Variants in TRDN observed in about 807,000 individuals in gnomAD.
TRDN encodes triadin, also known as triadin in skeletal muscle.
Under a neutral mutation model 149.7 loss-of-function variants are expected in TRDN, and 161 were observed. That is an observed-to-expected ratio of 1.08 (90% confidence interval 0.95 to 1.23). The LOEUF (loss-of-function observed/expected upper bound fraction) is 1.23. Among genes scored for constraint, TRDN ranks in the 50% most tolerant of loss-of-function variants. The pLI is 0.00. For missense variants in TRDN, 896 were observed against 823.5 expected, an observed-to-expected ratio of 1.09 and a Z score of -1.08; for synonymous variants, 294 against 250.5, an observed-to-expected ratio of 1.17 and a Z score of -1.64.
intron 5 of TRDN, among the ~76,000 whole-genome samples, chr6:123,519,280 C>T (rs1180334416): frequency 6.6e-6 from 1 of 152,070 alleles, no homozygotes; most frequent in African/African-American, 2.4e-5. Context: ...TGCCCTTGCC[C>T]AGACTCTGAC....
chr6:123,241,262 T>G (rs1775977490), intron 38 of TRDN, among the ~76,000 whole-genome samples: 1 of 151,280 alleles, frequency 6.6e-6, no homozygotes. Flanking sequence ...TTATATATTA[T>G]AAGGACAAAT....
intron 7 of TRDN, among the ~76,000 whole-genome samples, chr6:123,507,102 A>G (rs1320577627): frequency 6.6e-6 from 1 of 152,122 alleles, no homozygotes; most frequent in Non-Finnish European, 1.5e-5. Context: ...ATAGTGATAT[A>G]GAGACTGCAT....
At chr6:123,383,754 C>G (rs991648569) in intron 14 of TRDN, among the ~76,000 whole-genome samples, 2 of 152,028 alleles carry the variant, frequency 1.3e-5, no homozygotes, top group Non-Finnish European at 2.9e-5. Context: ...AATATGCCAA[C>G]ATACTAATGG....
At chr6:123,225,846 C>T (rs2114509494) in intron 38 of TRDN, among the ~76,000 whole-genome samples, 1 of 151,780 alleles carries the variant, frequency 6.6e-6, no homozygotes, top group East Asian at 1.9e-4. Flanking sequence ...AATTTTAAGT[C>T]TGAGGCAATT....
At chr6:123,422,074 A>G (rs758644982) in intron 12 of TRDN, among the ~76,000 whole-genome samples, 6 of 152,192 alleles carry the variant, frequency 3.9e-5, no homozygotes, top group Non-Finnish European at 8.8e-5. Flanking sequence ...CATAACATAT[A>G]TTTTGTATTA....
chr6:123,301,770 C>CATATATATATATACAT (rs1778428268), intron 24 of TRDN, among the ~76,000 whole-genome samples: 4 of 57,828 alleles, frequency 6.9e-5, no homozygotes, highest in Non-Finnish European at 9.7e-5. Context: ...TATATATATA[C>CATATATATATATACAT]ATATATATAT....
At chr6:123,627,690 A>T (rs1785751160) in intron 1 of TRDN, among the ~76,000 whole-genome samples, 2 of 152,172 alleles carry the variant, frequency 1.3e-5, no homozygotes, top group South Asian at 2.1e-4. Flanking sequence ...CCTGGATGGC[A>T]TCTTCTTCTA....
At chr6:123,410,629 G>A (rs1344662419) in intron 12 of TRDN, among the ~76,000 whole-genome samples, 1 of 152,070 alleles carries the variant, frequency 6.6e-6, no homozygotes, top group African/African-American at 2.4e-5. Context: ...AATACATGTG[G>A]TATTAATTAA....
intron 4 of TRDN, among the ~76,000 whole-genome samples, chr6:123,537,485 A>G (rs1780610776): frequency 6.6e-6 from 1 of 152,202 alleles, no homozygotes; most frequent in Admixed American, 6.5e-5. Flanking sequence ...TGAATGTCCC[A>G]TAGGAACATA....
At chr6:123,634,368 G>C (rs1321194593) in intron 1 of TRDN, among the ~76,000 whole-genome samples, 1 of 151,880 alleles carries the variant, frequency 6.6e-6, no homozygotes, top group African/African-American at 2.4e-5. Context: ...TGGAACCCAG[G>C]AGTTTGAGAC....
At chr6:123,371,376 T>C (rs1781321986) in intron 19 of TRDN, among the ~76,000 whole-genome samples, 1 of 152,176 alleles carries the variant, frequency 6.6e-6, no homozygotes, top group African/African-American at 2.4e-5. Context: ...TGATGTATTT[T>C]AAGTCTCTTT....
At chr6:123,348,666 A>C (rs1013509345) in intron 21 of TRDN, among the ~76,000 whole-genome samples, 7 of 152,122 alleles carry the variant, frequency 4.6e-5, no homozygotes, top group African/African-American at 1.7e-4. Flanking sequence ...TTTCTATTAA[A>C]GATTCTTAAG....
At chr6:123,470,163 C>A (rs971991373) in intron 9 of TRDN, 1 of 151,894 alleles carries the variant, frequency 6.6e-6, no homozygotes, top group African/African-American at 2.4e-5. Context: ...ATTTTCTCTT[C>A]TTTTATTAGT....
At chr6:123,507,315 T>C (rs942567843) in intron 7 of TRDN, among the ~76,000 whole-genome samples, 2 of 152,156 alleles carry the variant, frequency 1.3e-5, no homozygotes, top group South Asian at 2.1e-4. Flanking sequence ...TTCTTTTTAA[T>C]GCCATTATAA....
chr6:123,304,339 G>A (rs528335712), intron 24 of TRDN, among the ~76,000 whole-genome samples: 4 of 139,754 alleles, frequency 2.9e-5, no homozygotes, highest in African/African-American at 8.1e-5. Context: ...TGCAACCTCC[G>A]CCTCCTTGGT....
At chr6:123,392,033 ATTT>A (rs922206272) in intron 13 of TRDN, among the ~76,000 whole-genome samples, 10 of 152,198 alleles carry the variant, frequency 6.6e-5, no homozygotes, top group African/African-American at 1.9e-4. Flanking sequence ...TTGGTGTGTC[ATTT>A]TTATTTTAGT....
intron 1 of TRDN, among the ~76,000 whole-genome samples, chr6:123,573,342 A>G (rs578210903): frequency 2.6e-5 from 4 of 152,194 alleles, no homozygotes; most frequent in African/African-American, 9.6e-5. Context: ...TTAATAAATG[A>G]CAATACAACA....
At chr6:123,295,012 G>A (rs1308943028) in intron 24 of TRDN, among the ~76,000 whole-genome samples, 2 of 152,112 alleles carry the variant, frequency 1.3e-5, no homozygotes, top group Non-Finnish European at 2.9e-5. Flanking sequence ...TCTAATCTTT[G>A]AGGGGGCAGG....
At chr6:123,286,692 C>T (rs138372062) in intron 24 of TRDN, among the ~76,000 whole-genome samples, 7 of 152,008 alleles carry the variant, frequency 4.6e-5, no homozygotes, top group South Asian at 2.1e-4. Flanking sequence ...AAATAAAATA[C>T]GAGGAATTAA....
Sources: allele counts gnomAD v4.1 joint callset (sites outside exome capture counted in the v4.1 genomes callset), GRCh38; gene constraint gnomAD v4.1.1; transcripts MANE v1.5; gene names NCBI Gene and HGNC (gene_info 2026-07-23, HGNC 2026-07-21).